CD1B: variants seen among roughly 807,000 people sequenced by gnomAD.
CD1B encodes the protein T-cell surface glycoprotein CD1b.
Under a neutral mutation model 39.8 loss-of-function variants are expected in CD1B, and 43 were observed. The ratio of observed to expected loss-of-function variants is 1.08; its 90% CI spans 0.85 to 1.39. The LOEUF (loss-of-function observed/expected upper bound fraction) is 1.39. CD1B is among the 40% of genes most tolerant of loss of function. CD1B has a pLI of 0.00. For missense variants in CD1B, 495 were observed against 403.8 expected (o/e 1.23, Z -1.94); for synonymous variants, 192 against 152.5 (o/e 1.26, Z -1.91).
At chr1:158,330,593 G>C in intron 2 of CD1B, 1 of 715,124 alleles carries the variant, frequency 1.4e-6, no homozygotes, top group Non-Finnish European at 2.6e-6. Context: ...CTGAGAGTAA[G>C]AGAAGAGTGC....
At chr1:158,309,027 C>T in the CD1B span, among the ~76,000 whole-genome samples, 1 of 152,100 alleles carries the variant, frequency 6.6e-6, no homozygotes, top group Admixed American at 6.5e-5. Flanking sequence ...AAGAAACTAC[C>T]ATCAGAGTGA....
the CD1B span, among the ~76,000 whole-genome samples, chr1:158,295,072 T>C: frequency 6.6e-6 from 1 of 152,070 alleles, no homozygotes; most frequent in African/African-American, 2.4e-5. Context: ...GAGAGGATTC[T>C]AGGACACCCA....
At chr1:158,307,532 T>C in the CD1B span, among the ~76,000 whole-genome samples, 1 of 152,176 alleles carries the variant, frequency 6.6e-6, no homozygotes, top group Non-Finnish European at 1.5e-5. Flanking sequence ...CCATTCCTTC[T>C]GAAATTATTC....
the CD1B span, among the ~76,000 whole-genome samples, chr1:158,305,687 T>C: frequency 6.6e-6 from 1 of 152,140 alleles, no homozygotes; most frequent in African/African-American, 2.4e-5. Flanking sequence ...GAGAGAAAGG[T>C]GGGGTTACCC....
the CD1B span, among the ~76,000 whole-genome samples, chr1:158,314,834 G>A: frequency 4.6e-5 from 6 of 129,628 alleles, no homozygotes; most frequent in African/African-American, 1.8e-4. Flanking sequence ...AGTCCCCAGA[G>A]TGTGATGTTC....
chr1:158,311,690 G>C, the CD1B span, among the ~76,000 whole-genome samples: 1 of 152,084 alleles, frequency 6.6e-6, no homozygotes, highest in African/African-American at 2.4e-5. Flanking sequence ...GAGATATAGG[G>C]CTCTAGTTTT....
the CD1B span, among the ~76,000 whole-genome samples, chr1:158,299,786 A>G: frequency 6.6e-6 from 1 of 152,180 alleles, no homozygotes; most frequent in African/African-American, 2.4e-5. Context: ...AGATGTTTAT[A>G]TTATCCTCTG....
the CD1B span, among the ~76,000 whole-genome samples, chr1:158,318,280 A>G: frequency 2.2e-4 from 34 of 152,248 alleles, no homozygotes; most frequent in African/African-American, 7.5e-4. Context: ...GTCTCCCATT[A>G]TTAATGTGTG....
the CD1B span, chr1:158,292,314 C>T: frequency 1.8e-5 from 29 of 1,614,040 alleles, no homozygotes; most frequent in South Asian, 1.1e-4. Flanking sequence ...CACTTGCCCC[C>T]GATTTCTCTT....
At chr1:158,300,800 C>T in the CD1B span, among the ~76,000 whole-genome samples, 2 of 149,144 alleles carry the variant, frequency 1.3e-5, no homozygotes, top group African/African-American at 2.5e-5. Flanking sequence ...ACTCTGTCAC[C>T]CAGGCTGGAG....
At chr1:158,291,204 T>G in the CD1B span, 3 of 1,613,614 alleles carry the variant, frequency 1.9e-6, no homozygotes, top group Non-Finnish European at 2.5e-6. Context: ...GGGCACGAGG[T>G]CAGGGCTCAG....
the CD1B span, among the ~76,000 whole-genome samples, chr1:158,295,130 T>C: frequency 6.6e-6 from 1 of 152,038 alleles, no homozygotes; most frequent in Non-Finnish European, 1.5e-5. Flanking sequence ...AACTTATTTT[T>C]GGGAGAAGAG....
At chr1:158,302,771 CCA>C in the CD1B span, among the ~76,000 whole-genome samples, 1 of 152,034 alleles carries the variant, frequency 6.6e-6, no homozygotes, top group Non-Finnish European at 1.5e-5. Context: ...ATAATGAGTT[CCA>C]GAGTTGAATC....
the CD1B span, among the ~76,000 whole-genome samples, chr1:158,303,952 C>T: frequency 2.0e-5 from 3 of 151,806 alleles, no homozygotes; most frequent in Non-Finnish European, 4.4e-5. Context: ...AAAAAAGAGT[C>T]TGGGGGGTGC....
chr1:158,286,630 A>C, the CD1B span, among the ~76,000 whole-genome samples: 1 of 152,196 alleles, frequency 6.6e-6, no homozygotes, highest in South Asian at 2.1e-4. Context: ...CACAGGATGA[A>C]AGCAGGACTA....
chr1:158,306,317 T>C, the CD1B span, among the ~76,000 whole-genome samples: 1 of 151,732 alleles, frequency 6.6e-6, no homozygotes, highest in Non-Finnish European at 1.5e-5. Context: ...CCAACAAAGA[T>C]CAAAAGAGAC....
the CD1B span, chr1:158,291,518 G>A: frequency 7.8e-6 from 8 of 1,022,594 alleles, no homozygotes; most frequent in African/African-American, 1.3e-4. Flanking sequence ...ATTCTGCATA[G>A]ATGAACCTTT....
downstream of CD1B, among the ~76,000 whole-genome samples, chr1:158,324,136 T>A (rs562310669): frequency 6.6e-6 from 1 of 152,310 alleles, no homozygotes; most frequent in Non-Finnish European, 1.5e-5. Flanking sequence ...GTGTGCATGA[T>A]TCCTCCTAGA....
At chr1:158,321,052 T>G in the CD1B span, among the ~76,000 whole-genome samples, 1 of 152,162 alleles carries the variant, frequency 6.6e-6, no homozygotes, top group Admixed American at 6.5e-5. Context: ...TAACTCTCAT[T>G]TTTTGTTGAT....
Sources: allele counts gnomAD v4.1 joint callset (sites outside exome capture counted in the v4.1 genomes callset), GRCh38; gene constraint gnomAD v4.1.1; transcripts MANE v1.5; gene names NCBI Gene and HGNC (gene_info 2026-07-23, HGNC 2026-07-21).